The following LCORL variants were observed in gnomAD, a reference collection of about 807,000 sequenced individuals.
LCORL encodes ligand dependent nuclear receptor corepressor like, also known as ligand-dependent nuclear receptor corepressor-like protein.
In LCORL, 41 loss-of-function variants were observed where a neutral mutation model predicts 141.8. The observed-to-expected ratio is 0.29, with a 90% CI of 0.23 to 0.38. The LOEUF is 0.38. Among genes scored for constraint, LCORL ranks in the 10% least tolerant of loss-of-function variants. The pLI is 1.00. For missense variants in LCORL, 1,759 were observed against 2,035.0 expected (o/e 0.86, Z 2.61); for synonymous variants, 618 against 694.1 (o/e 0.89, Z 1.72).
chr4:17,853,520 G>A (rs1445834240), intron 7 of LCORL, among the ~76,000 whole-genome samples: 1 of 152,102 alleles, frequency 6.6e-6, no homozygotes, highest in Admixed American at 6.6e-5. Context: ...GAGTTTCAGG[G>A]AACACCAAGT....
At chr4:17,929,670 A>T (rs1292737337) in intron 4 of LCORL, among the ~76,000 whole-genome samples, 3 of 152,168 alleles carry the variant, frequency 2.0e-5, no homozygotes, top group Non-Finnish European at 2.9e-5. Context: ...CTCTTAGAAG[A>T]CATATGTGTA....
At chr4:17,883,097 T>A (rs1577320969) in intron 6 of LCORL, 1 of 970,110 alleles carries the variant, frequency 1.0e-6, no homozygotes, top group African/African-American at 1.8e-5. Context: ...ATGATAAATA[T>A]TAAATTTCAT....
chr4:17,880,600 T>A, intron 6 of LCORL: 3 of 977,848 alleles, frequency 3.1e-6, no homozygotes, highest in Non-Finnish European at 3.6e-6. Context: ...TGTAGTCAGT[T>A]TTTTTCTTTT....
At chr4:18,007,242 A>G (rs768357645) in intron 1 of LCORL, among the ~76,000 whole-genome samples, 3 of 152,228 alleles carry the variant, frequency 2.0e-5, no homozygotes, top group Non-Finnish European at 4.4e-5. Context: ...AAGTAGGATG[A>G]AAAATATAGT....
chr4:17,992,839 T>C (rs539128105), intron 1 of LCORL, among the ~76,000 whole-genome samples: 8 of 152,318 alleles, frequency 5.3e-5, no homozygotes, highest in Middle Eastern at 3.4e-3. Context: ...TTATAAAAAA[T>C]CTTTATACTT....
At chr4:17,936,424 C>T (rs1736873185) in intron 4 of LCORL, among the ~76,000 whole-genome samples, 1 of 150,934 alleles carries the variant, frequency 6.6e-6, no homozygotes, top group Non-Finnish European at 1.5e-5. Context: ...GGCATAGTGG[C>T]ATAGTGGCAG....
rs114423658 is a variant in LCORL at position 17,913,438 on chromosome 4, C to A, written c.431-4093G>T. ...TAAAACACAATTAAAGCAATGGCTA[C>A]CAAGAGGTGGAAGTGGTCAAGTCAA... On this transcript the variant is annotated intron_variant, in intron 4 of 7. Coordinates refer to ENST00000635767, the Ensembl canonical transcript of LCORL. Among the ~76,000 whole-genome samples, 816 of 152,270 alleles carry A rather than the reference C, an allele frequency of 5.4e-3. 6 individuals carry two copies. Among genetic ancestry groups the A allele is most frequent in the African/African-American group, 0.019 (783 of 41,550 alleles).
chr4:17,989,047 C>T (rs1038082499), intron 1 of LCORL, among the ~76,000 whole-genome samples: 2 of 152,114 alleles, frequency 1.3e-5, no homozygotes, highest in Non-Finnish European at 2.9e-5. Flanking sequence ...TGGATGTGGC[C>T]AATTTATATC....
exon 8 of LCORL, chr4:17,842,251 G>T (rs1353455940): frequency 6.9e-7 from 1 of 1,456,408 alleles, no homozygotes; most frequent in African/African-American, 1.4e-5. Context: ...CTAGAAACTA[G>T]ATTAAAAACA....
At chr4:17,978,026 C>A (rs1021299264) in intron 1 of LCORL, among the ~76,000 whole-genome samples, 8 of 152,142 alleles carry the variant, frequency 5.3e-5, no homozygotes, top group Non-Finnish European at 1.0e-4. Context: ...CTCTTATGTT[C>A]ATGTTACCTT....
At chr4:17,978,654 T>C (rs964282109) in intron 1 of LCORL, among the ~76,000 whole-genome samples, 1 of 151,920 alleles carries the variant, frequency 6.6e-6, no homozygotes, top group Admixed American at 6.6e-5. Context: ...ACTTGAATAA[T>C]GATTGCCAGC....
At chr4:17,934,371 G>C (rs1233402205) in intron 4 of LCORL, among the ~76,000 whole-genome samples, 1 of 152,032 alleles carries the variant, frequency 6.6e-6, no homozygotes, top group South Asian at 2.1e-4. Context: ...TATAAACCTA[G>C]ATCTGTTCTA....
intron 1 of LCORL, among the ~76,000 whole-genome samples, chr4:17,991,630 C>T (rs563940593): frequency 6.6e-6 from 1 of 152,246 alleles, no homozygotes; most frequent in African/African-American, 2.4e-5. Flanking sequence ...AAACCCAAAA[C>T]CACAAATTTA....
rs563708497 is a variant in LCORL at position 18,001,475 on chromosome 4, A to G, written c.154+20123T>C. Among the ~76,000 whole-genome samples the G allele has an allele frequency of 1.1e-4, 16 of 152,326 alleles. No individual in the cohort carries two copies. The East Asian group carries it at 2.9e-3, about 28-fold the overall frequency. On this transcript the variant is annotated intron_variant, in intron 1 of 7. Transcript: ENST00000635767. Reference sequence around the variant, plus strand: ...AATTTAAGGCTTTATCCTAAGGTCAATGGAGGAACCAATGAAGATTTTTAT... The same window carrying G: ...AATTTAAGGCTTTATCCTAAGGTCAGTGGAGGAACCAATGAAGATTTTTAT...
intron 1 of LCORL, among the ~76,000 whole-genome samples, chr4:18,019,164 C>T (rs1167152382): frequency 6.6e-6 from 1 of 152,154 alleles, no homozygotes; most frequent in African/African-American, 2.4e-5. Flanking sequence ...CATGGTGAAA[C>T]CTAGTCTCTA....
Position 17,987,861 on chromosome 4 carries a change from C to T in LCORL, c.155-14976G>A, listed in dbSNP as rs557316518. On this transcript the variant is annotated intron_variant, in intron 1 of 7. Coordinates refer to ENST00000635767, the Ensembl canonical transcript of LCORL. ...TGTCTTTTCATTATTGAGTTGTAAG[C>T]GTTATTTTGAACATAAATCCCTTAT... 1.6e-4 allele frequency among the ~76,000 whole-genome samples: 25 copies of T among 152,262 alleles called. No homozygotes were observed. The South Asian group carries it at 4.6e-3, about 28-fold the overall frequency.
At chr4:17,937,972 G>A (rs1269434009) in intron 4 of LCORL, among the ~76,000 whole-genome samples, 2 of 151,356 alleles carry the variant, frequency 1.3e-5, no homozygotes, top group Non-Finnish European at 1.5e-5. Context: ...GGAATAAAAG[G>A]AAGCTTTAGA....
intron 5 of LCORL, among the ~76,000 whole-genome samples, chr4:17,905,316 G>GT (rs1731442051): frequency 6.6e-6 from 1 of 151,624 alleles, no homozygotes; most frequent in African/African-American, 2.4e-5. Context: ...AACTTTTTTT[G>GT]TATCTATTAG....
intron 2 of LCORL, among the ~76,000 whole-genome samples, chr4:17,970,598 C>A (rs1381052986): frequency 6.6e-6 from 1 of 152,146 alleles, no homozygotes; most frequent in Non-Finnish European, 1.5e-5. Context: ...GCCAGGAGCC[C>A]AAGGGCTTCA....
Sources: allele counts gnomAD v4.1 joint callset (sites outside exome capture counted in the v4.1 genomes callset), GRCh38; gene constraint gnomAD v4.1.1; transcripts MANE v1.5; gene names NCBI Gene and HGNC (gene_info 2026-07-23, HGNC 2026-07-21).